PAX7: variants seen among roughly 807,000 people sequenced by gnomAD.
PAX7 encodes paired box 7, also known as paired box protein Pax-7.
A neutral mutation model predicts 50.7 loss-of-function variants in PAX7; 18 were observed. That is an observed-to-expected ratio of 0.36 (90% CI 0.25 to 0.53). The LOEUF is 0.53. PAX7 is among the 20% of genes least tolerant of loss of function. The pLI, the probability that PAX7 is intolerant of heterozygous loss-of-function variation, is 0.93. For missense variants in PAX7, 644 were observed against 702.9 expected, an observed-to-expected ratio of 0.92 and a Z score of 0.95; for synonymous variants, 310 against 290.4, an observed-to-expected ratio of 1.07 and a Z score of -0.69.
In PAX7 at chr1:18,744,709, G is replaced by GATAA. The variant is rs1345225681; in HGVS notation, c.1403-103_1403-102insAAAT. On this transcript the variant is annotated intron_variant, in intron 8 of 8. Coordinates refer to ENST00000420770, the MANE Select transcript of PAX7 (RefSeq NM_001135254.2). ...GGATAAATGGATGGATGGATGGATG[G>GATAA]ATGGATGGATGGATGGATGGATGGA... 179 of 627,958 alleles carry GATAA rather than the reference G, an allele frequency of 2.9e-4. 1 individual carries two copies. In the African/African-American group the frequency reaches 3.3e-3, roughly 12 times the overall value. 38.9% of individuals were successfully genotyped at this position (627,958 alleles called of 1,614,324 possible).
intron 4 of PAX7, among the ~76,000 whole-genome samples, chr1:18,650,139 G>A (rs185658545): frequency 6.6e-6 from 1 of 152,362 alleles, no homozygotes; most frequent in African/African-American, 2.4e-5. Flanking sequence ...CTGGAGGAGG[G>A]TGAGGGGAAG....
intron 4 of PAX7, among the ~76,000 whole-genome samples, chr1:18,672,475 G>A (rs1293171765): frequency 3.3e-5 from 5 of 152,128 alleles, no homozygotes; most frequent in African/African-American, 4.8e-5. Context: ...GGCAGGAGGT[G>A]TGTGTCCTTC....
At chr1:18,637,052 G>A (rs927226202) in intron 4 of PAX7, among the ~76,000 whole-genome samples, 34 of 152,060 alleles carry the variant, frequency 2.2e-4, no homozygotes, top group Non-Finnish European at 3.8e-4. Flanking sequence ...GTGGGGGAGA[G>A]ACCCAGGCTC....
At position 18,748,386 on chromosome 1, in the gene PAX7, A is replaced by G. The variant is rs1443811424; in HGVS notation, c.*3457A>G. ...CAAGCTCCCGAATGTGTCTCGCACT[A>G]TTGGACACTTTTTGGGGGTACACAG... is the stretch of plus-strand genomic sequence containing the variant. On this transcript the variant is annotated 3_prime_UTR_variant, in exon 9 of 9. Coordinates refer to ENST00000420770, the MANE Select transcript of PAX7 (RefSeq NM_001135254.2). 1.3e-5 allele frequency: 3 copies of G among 230,750 alleles called. No individual in the cohort carries two copies. The South Asian group carries it at 5.4e-4, about 42-fold the overall frequency. 14.3% of individuals were successfully genotyped at this position (230,750 alleles called of 1,614,324 possible).
Position 18,640,521 on chromosome 1 carries a change from G to A in PAX7, c.586+4150G>A, listed in dbSNP as rs540607066. 9.2e-5 allele frequency among the ~76,000 whole-genome samples: 14 copies of A among 152,144 alleles called. No individual in the cohort carries two copies. In the South Asian group the frequency reaches 1.5e-3, roughly 16 times the overall value. On this transcript the variant is annotated intron_variant, in intron 4 of 8. Coordinates refer to ENST00000420770, the MANE Select transcript of PAX7 (RefSeq NM_001135254.2). ...GAGCCTTGGAAGCGGGGGCGAGGGA[G>A]GGGACGAGGATAGTCCATTTATCAC...
At chr1:18,646,508 CG>C (rs931146225) in intron 4 of PAX7, among the ~76,000 whole-genome samples, 27 of 152,000 alleles carry the variant, frequency 1.8e-4, no homozygotes, top group Non-Finnish European at 3.8e-4. Context: ...AAATTAGGGC[CG>C]GGAAAGCGGT....
At chr1:18,661,303 G>A (rs2100478795) in intron 4 of PAX7, among the ~76,000 whole-genome samples, 1 of 152,102 alleles carries the variant, frequency 6.6e-6, no homozygotes, top group East Asian at 1.9e-4. Context: ...TCCATGAGGT[G>A]GAAATGAATT....
rs1049640165 is a variant in PAX7, at chr1:18,725,314, C to A, written c.1156-10318C>A. The stretch of plus-strand genomic sequence containing the variant: ...CAGAGGTGGAGACGCCCCCCCCCCG[C>A]CCCACCAACACCGCCAGGCCAGGGG... On this transcript the variant is annotated intron_variant, in intron 7 of 8. Coordinates refer to ENST00000420770, the MANE Select transcript of PAX7 (RefSeq NM_001135254.2). Among the ~76,000 whole-genome samples, 47 of 11,026 alleles carry A rather than the reference C, an allele frequency of 4.3e-3. 1 individual carries two copies. The East Asian group carries it at 0.061, about 14-fold the overall frequency. The allele number at this position is 11,026 out of a possible 152,430, so 7.2% of individuals were successfully genotyped here.
At chr1:18,682,422 A>C (rs1254397744) in intron 4 of PAX7, among the ~76,000 whole-genome samples, 1 of 152,146 alleles carries the variant, frequency 6.6e-6, no homozygotes, top group Non-Finnish European at 1.5e-5. Flanking sequence ...GTTGGGCCCC[A>C]TGGAGGGGGA....
intron 7 of PAX7, among the ~76,000 whole-genome samples, chr1:18,730,667 C>T (rs1486544788): frequency 6.6e-6 from 1 of 152,208 alleles, no homozygotes; most frequent in Non-Finnish European, 1.5e-5. Flanking sequence ...GCCCTCGGGG[C>T]CAGCTCAGGA....
At chr1:18,642,210 C>T (rs2088267197) in intron 4 of PAX7, among the ~76,000 whole-genome samples, 1 of 133,664 alleles carries the variant, frequency 7.5e-6, no homozygotes, top group Non-Finnish European at 1.7e-5. Context: ...TTCCAGGTTA[C>T]CTCTTTGGAG....
In PAX7 at chr1:18,631,244, C is replaced by G. The variant is rs1314018067; in HGVS notation, c.-360C>G. On this transcript the variant is annotated 5_prime_UTR_variant, in exon 1 of 9. Transcript: ENST00000420770. ...CGGCCGCGTTCCCCCGGCCCCCCTC[C>G]GCCGCGGGGCCTGGTCTCCGGGTTC... 1.6e-5 allele frequency: 4 copies of G among 250,218 alleles called. No individual in the cohort carries two copies. The highest frequency in any genetic ancestry group is 6.5e-5 in the African/African-American group (3 of 45,954). 15.5% of individuals were successfully genotyped at this position (250,218 alleles called of 1,614,324 possible). A position where few individuals can be genotyped will look rare whatever the true frequency, so the allele number is the denominator to read the frequency against.
At chr1:18,737,520 C>A (rs1930824325) in intron 8 of PAX7, among the ~76,000 whole-genome samples, 1 of 152,262 alleles carries the variant, frequency 6.6e-6, no homozygotes, top group South Asian at 2.1e-4. Context: ...TATGTTGGGA[C>A]ATGTTACAAT....
chr1:18,727,820 G>T (rs1014424135), intron 7 of PAX7, among the ~76,000 whole-genome samples: 4 of 152,140 alleles, frequency 2.6e-5, no homozygotes, highest in African/African-American at 9.7e-5. Context: ...GCAGGGCTTC[G>T]GTGTGGGATG....
chr1:18,635,378 C>G lies in PAX7; in HGVS notation c.451+138C>G, dbSNP rs2088134307. The G allele has an allele frequency of 5.4e-6, 5 of 928,008 alleles. No individual in the cohort carries two copies. In the South Asian group the frequency reaches 6.1e-5, roughly 11 times the overall value. 57.5% of individuals were successfully genotyped at this position (928,008 alleles called of 1,614,324 possible). ...CTGAGAAGTTGGGAGGAAAGGAGTA[C>G]AGAAAGGCAGAGTTAAGGCATAGGA... is the stretch of plus-strand genomic sequence containing the variant. On this transcript the variant is annotated intron_variant, in intron 3 of 8. Coordinates refer to ENST00000420770, the MANE Select transcript of PAX7 (RefSeq NM_001135254.2).
intron 4 of PAX7, among the ~76,000 whole-genome samples, chr1:18,645,539 G>A (rs2088325630): frequency 6.6e-6 from 1 of 152,184 alleles, no homozygotes; most frequent in Non-Finnish European, 1.5e-5. Flanking sequence ...CCAAGCCTCC[G>A]CGAGGGCGAC....
intron 7 of PAX7, among the ~76,000 whole-genome samples, chr1:18,730,273 GCAGATATTCTGGC>G (rs1466430686): frequency 6.6e-6 from 1 of 152,200 alleles, no homozygotes; most frequent in African/African-American, 2.4e-5. Context: ...GTTAGTCAGG[GCAGATATTCTGGC>G]CCCTATGCTG....
chr1:18,745,864 G>T lies in PAX7; in HGVS notation c.*935G>T. ...GGATACATGAGTGGAGGAGCAGGAA[G>T]TGGGCTCAGAAGGCACTTTCATAAC... is the stretch of plus-strand genomic sequence containing the variant. On this transcript the variant is annotated 3_prime_UTR_variant, in exon 9 of 9. Transcript: ENST00000420770. 1 of 232,462 alleles carries T rather than the reference G, an allele frequency of 4.3e-6. No homozygotes were observed. Among genetic ancestry groups the T allele is most frequent in the African/African-American group, 2.2e-5 (1 of 45,424 alleles). The allele number at this position is 232,462 out of a possible 1,614,324, so 14.4% of individuals were successfully genotyped here. A position where few individuals can be genotyped will look rare whatever the true frequency, so the allele number is the denominator to read the frequency against.
intron 4 of PAX7, among the ~76,000 whole-genome samples, chr1:18,658,640 C>T (rs143961744): frequency 9.3e-4 from 141 of 152,334 alleles, no homozygotes; most frequent in Admixed American, 2.5e-3. Context: ...GGGTTAAAGC[C>T]AAAAGCAAAT....
Sources: allele counts gnomAD v4.1 joint callset (sites outside exome capture counted in the v4.1 genomes callset), GRCh38; gene constraint gnomAD v4.1.1; transcripts MANE v1.5; gene names NCBI Gene and HGNC (gene_info 2026-07-23, HGNC 2026-07-21).